The following PI4KA variants were observed in gnomAD, a reference collection of about 807,000 sequenced individuals.
PI4KA encodes the protein phosphatidylinositol 4-kinase alpha, also known as PI4-kinase alpha.
Under a neutral mutation model 271.4 loss-of-function variants are expected in PI4KA, and 122 were observed. The observed-to-expected ratio is 0.45, with a 90% CI of 0.39 to 0.52. PI4KA has a LOEUF of 0.52. PI4KA is among the 20% of genes least tolerant of loss of function. PI4KA has a pLI of 0.00. For missense variants in PI4KA, 1,969 were observed against 2,769.1 expected (o/e 0.71, Z 6.48); for synonymous variants, 1,041 against 1,078.8 (o/e 0.96, Z 0.69).
intron 1 of PI4KA, among the ~76,000 whole-genome samples, chr22:20,841,776 C>G (rs150325807): frequency 4.1e-4 from 62 of 152,184 alleles, no homozygotes; most frequent in African/African-American, 1.5e-3. Flanking sequence ...AGGGCAATCA[C>G]AAAGGTCATT....
At chr22:20,788,256 G>A (rs1484726642) in intron 19 of PI4KA, among the ~76,000 whole-genome samples, 2 of 152,178 alleles carry the variant, frequency 1.3e-5, no homozygotes. Flanking sequence ...AAGTAGTGGG[G>A]CTGGGTTCAA....
chr22:20,741,604 T>C (rs1219156550), intron 32 of PI4KA, among the ~76,000 whole-genome samples: 1 of 152,158 alleles, frequency 6.6e-6, no homozygotes, highest in African/African-American at 2.4e-5. Flanking sequence ...GCCCGGAACA[T>C]TTTAATTACA....
chr22:20,808,136 C>T (rs573975862), intron 9 of PI4KA, among the ~76,000 whole-genome samples: 1 of 151,550 alleles, frequency 6.6e-6, no homozygotes, highest in South Asian at 2.1e-4. Flanking sequence ...ACTAAAAATA[C>T]AAAATTAGCT....
At chr22:20,742,559 C>G in intron 31 of PI4KA, 49 bp downstream of exon 31, 1 of 1,605,116 alleles carries the variant, frequency 6.2e-7, no homozygotes, top group Admixed American at 1.7e-5. Context: ...TCAAGGCCAG[C>G]ATTCATTTAG....
At position 20,802,191 on chromosome 22, in the gene PI4KA, G is replaced by A. The variant is rs527604447; in HGVS notation, c.1592-86C>T. ...TGTAATTCAAAAACCAAGATAATAT[G>A]CTGATCATTTATAAAAGCAAAATGA... is the stretch of plus-strand genomic sequence containing the variant. On this transcript the variant is annotated intron_variant, in intron 13 of 54. Transcript: ENST00000255882. The A allele has an allele frequency of 6.1e-4, 757 of 1,233,012 alleles. 7 individuals carry two copies. The South Asian group carries it at 9.8e-3, about 16-fold the overall frequency. 76.4% of individuals were successfully genotyped at this position (1,233,012 alleles called of 1,614,324 possible).
intron 19 of PI4KA, chr22:20,787,006 C>A: frequency 6.2e-7 from 1 of 1,614,148 alleles, no homozygotes; most frequent in Non-Finnish European, 8.5e-7. Context: ...TCCTCATCTA[C>A]GAGCATCGCA....
In PI4KA at chr22:20,751,717, G is replaced by A; in HGVS notation, c.3026C>T (p.Thr1009Ile). The change falls in exon 26 of 55, where the codon ACC (threonine) becomes ATC (isoleucine). Residue 1009 changes from threonine to isoleucine, a missense_variant. Transcript: ENST00000255882. ...HLLWSGTVLK[T>I]MLDILQTLSL... The stretch of plus-strand genomic sequence containing the variant: ...CAGGGTCTGCAGGATGTCCAGCATG[G>A]TCTTCAGCACAGTCCCGCTCCAGAG... The A allele has an allele frequency of 2.5e-6, 4 of 1,614,106 alleles. No homozygotes were observed. The highest frequency in any genetic ancestry group is 3.4e-6 in the Non-Finnish European group (4 of 1,180,002).
chr22:20,813,272 A>T, intron 8 of PI4KA, 86 bp downstream of exon 8: 1 of 997,726 alleles, frequency 1.0e-6, no homozygotes, highest in Non-Finnish European at 1.5e-6. Context: ...TGGTACTCTG[A>T]GTTTTTCTTT....
In PI4KA at chr22:20,729,920, G is replaced by A. The variant is rs139857256; in HGVS notation, c.4380C>T (p.Ser1460=). 3.4e-3 allele frequency: 5,519 copies of A among 1,614,110 alleles called. 126 individuals carry two copies. Among genetic ancestry groups the A allele is most frequent in the Non-Finnish European group, 1.4e-3 (1,615 of 1,179,986 alleles). ...QGWINTYPLS[S]GMSTISKKSG... is the part of the protein sequence containing the mutation. ...ATTTCTTGGAGATGGTGGACATGCC[G>A]CTGGACAGGGGGTATGTGTTGATCC... The change falls in exon 37 of 55, where the codon AGC becomes AGT. Residue 1460 remains serine, a synonymous_variant. Coordinates refer to ENST00000255882, the MANE Select transcript of PI4KA (RefSeq NM_058004.4).
chr22:20,786,276 G>A (rs538054308), intron 19 of PI4KA: 23 of 1,033,454 alleles, frequency 2.2e-5, no homozygotes, highest in Admixed American at 5.4e-5. Context: ...TCTGCTCTTC[G>A]GCCTGGGTGG....
Position 20,834,535 on chromosome 22 carries a change from T to C in PI4KA, c.367+27A>G, listed in dbSNP as rs117068569. The stretch of plus-strand genomic sequence containing the variant: ...CTGAACATGTGTATTTTCTCTTATA[T>C]TCAGGGAAAACATTATATACAATTA... On this transcript the variant is annotated intron_variant, in intron 3 of 54. Transcript: ENST00000255882. 2.5e-3 allele frequency: 3,346 copies of C among 1,337,540 alleles called. 63 individuals carry two copies. The East Asian group carries it at 0.049, about 20-fold the overall frequency. The allele number at this position is 1,337,540 out of a possible 1,614,324, so 82.9% of individuals were successfully genotyped here.
At position 20,838,904 on chromosome 22, in the gene PI4KA, C is replaced by T. The variant is rs165675; in HGVS notation, c.157-173G>A. Among the ~76,000 whole-genome samples the T allele has an allele frequency of 0.49, 74,089 of 151,950 alleles. 18,571 individuals carry two copies. Among genetic ancestry groups the T allele is most frequent in the African/African-American group, 0.59 (24,287 of 41,430 alleles). On this transcript the variant is annotated intron_variant, in intron 1 of 54. Coordinates refer to ENST00000255882, the MANE Select transcript of PI4KA (RefSeq NM_058004.4). ...CTAGCCTGGCCAACATAGTGAGACC[C>T]TATCTCTTAAATAAATAAAAATAAA...
At position 20,803,252 on chromosome 22, in the gene PI4KA, G is replaced by A; in HGVS notation, c.1530C>T (p.Phe510=). 1 of 1,614,140 alleles carries A rather than the reference G, an allele frequency of 6.2e-7. No homozygotes were observed. Among genetic ancestry groups the A allele is most frequent in the Non-Finnish European group, 8.5e-7 (1 of 1,180,000 alleles). The change falls in exon 13 of 55, where the codon TTC becomes TTT. Residue 510 remains phenylalanine (F), a synonymous_variant. Transcript: ENST00000255882. ...VHSVTPSLRD[F]LVIPSPVLVK... is the part of the protein sequence containing the mutation. Reference sequence around the variant, plus strand: ...CCAGAACTGGGGACGGGATGACCAGGAAGTCTCGCAAGGACGGTGTCACAG... The same window carrying A: ...CCAGAACTGGGGACGGGATGACCAGAAAGTCTCGCAAGGACGGTGTCACAG...
intron 19 of PI4KA, among the ~76,000 whole-genome samples, chr22:20,792,154 T>C (rs970956337): frequency 3.3e-5 from 5 of 151,960 alleles, no homozygotes; most frequent in Admixed American, 2.0e-4. Context: ...ATAAATAACA[T>C]GCGACATATG....
At chr22:20,748,955 G>C (rs1930394641) in intron 28 of PI4KA, among the ~76,000 whole-genome samples, 1 of 152,166 alleles carries the variant, frequency 6.6e-6, no homozygotes, top group African/African-American at 2.4e-5. Context: ...GAAAAATCAA[G>C]ACCGCTTCAA....
intron 19 of PI4KA, among the ~76,000 whole-genome samples, chr22:20,777,506 C>G (rs1933400590): frequency 6.6e-6 from 1 of 152,334 alleles, no homozygotes; most frequent in East Asian, 1.9e-4. Context: ...ACCTGAGCCA[C>G]CGCACCCAGC....
chr22:20,713,528 C>T (rs1925602238), intron 47 of PI4KA, 138 bp from the exon 48 acceptor site: 2 of 670,628 alleles, frequency 3.0e-6, no homozygotes, highest in Non-Finnish European at 5.1e-6. Context: ...CCCAAGGAGG[C>T]CAAGGAGGAG....
At chr22:20,750,340 G>C (rs1930534375) in intron 27 of PI4KA, among the ~76,000 whole-genome samples, 1 of 152,296 alleles carries the variant, frequency 6.6e-6, no homozygotes, top group Non-Finnish European at 1.5e-5. Flanking sequence ...CAAGGAGAGA[G>C]GTCTCCACAG....
At chr22:20,785,369 C>A (rs945148044) in intron 19 of PI4KA, among the ~76,000 whole-genome samples, 1 of 152,168 alleles carries the variant, frequency 6.6e-6, no homozygotes, top group Non-Finnish European at 1.5e-5. Context: ...CTGTGCCTGG[C>A]CCATTTGACT....
Sources: gnomAD v4.1 joint callset for allele counts (sites outside exome capture counted in the v4.1 genomes callset) on GRCh38, gnomAD v4.1.1 for gene constraint, MANE v1.5 for transcripts, NCBI Gene and HGNC (gene_info 2026-07-23, HGNC 2026-07-21) for gene names.